Variants in GPATCH2 observed in about 807,000 individuals in gnomAD.
The protein encoded by GPATCH2 is G patch domain-containing protein 2.
GPATCH2 carries 51 observed loss-of-function variants against 58.0 expected under a neutral mutation model. That is an observed-to-expected ratio of 0.88 (90% CI 0.70 to 1.11). The LOEUF (loss-of-function observed/expected upper bound fraction) is 1.11. Among genes scored for constraint, GPATCH2 ranks in the 50% most tolerant of loss-of-function variants. The pLI, the probability that GPATCH2 is intolerant of heterozygous loss-of-function variation, is 0.00. For missense variants in GPATCH2, 625 were observed against 652.2 expected, an observed-to-expected ratio of 0.96 and a Z score of 0.45; for synonymous variants, 222 against 218.5, an observed-to-expected ratio of 1.02 and a Z score of -0.14.
At chr1:217,455,038 C>T (rs1220111903) in intron 8 of GPATCH2, among the ~76,000 whole-genome samples, 2 of 152,192 alleles carry the variant, frequency 1.3e-5, no homozygotes, top group Non-Finnish European at 2.9e-5. Flanking sequence ...CACAGCCTGA[C>T]CAGTTCTTGG....
chr1:217,492,371 C>G (rs1661787406), intron 7 of GPATCH2: 1 of 152,144 alleles, frequency 6.6e-6, no homozygotes. Flanking sequence ...TCCCTTTACA[C>G]TTGCTTTACC....
At chr1:217,508,933 ATAAT>A (rs1447241554) in intron 6 of GPATCH2, among the ~76,000 whole-genome samples, 2 of 152,212 alleles carry the variant, frequency 1.3e-5, no homozygotes, top group Non-Finnish European at 2.9e-5. Flanking sequence ...TTTCAAGGAA[ATAAT>A]TACTAGATGT....
intron 5 of GPATCH2, among the ~76,000 whole-genome samples, chr1:217,578,369 C>T (rs1218822900): frequency 7.2e-5 from 11 of 152,098 alleles, no homozygotes; most frequent in Admixed American, 7.2e-4. Context: ...CCCACCTCAG[C>T]CTCCCTAAGT....
At chr1:217,547,849 G>C (rs1665143556) in intron 5 of GPATCH2, among the ~76,000 whole-genome samples, 2 of 152,108 alleles carry the variant, frequency 1.3e-5, no homozygotes, top group South Asian at 2.1e-4. Context: ...GCGGGTGATT[G>C]AATCATGGGG....
chr1:217,544,968 A>C (rs1321251303), intron 5 of GPATCH2, among the ~76,000 whole-genome samples: 2 of 152,150 alleles, frequency 1.3e-5, no homozygotes, highest in East Asian at 3.8e-4. Context: ...CTTTCACTTA[A>C]TTAGGAACCT....
At chr1:217,498,321 T>C (rs767948199) in intron 7 of GPATCH2, 35 bp downstream of exon 7, 1 of 1,542,074 alleles carries the variant, frequency 6.5e-7, no homozygotes. Context: ...TGAAAGAGGC[T>C]GAGTAACTTC....
chr1:217,560,436 A>G (rs1665867179), intron 5 of GPATCH2, among the ~76,000 whole-genome samples: 2 of 152,140 alleles, frequency 1.3e-5, no homozygotes, highest in African/African-American at 4.8e-5. Flanking sequence ...GGCTCAATAC[A>G]TGTTGAATGA....
chr1:217,614,140 C>T lies in GPATCH2; in HGVS notation c.835+1G>A. On this transcript the variant is annotated splice_donor_variant, in intron 3 of 9. Transcript: ENST00000366935. LOFTEE classifies it high-confidence loss of function. ...GAGAGAAAAAAATATCATTTCAGTA[C>T]CTTGTCTTCCCTCATCATTGGTAAA... is the stretch of plus-strand genomic sequence containing the variant. 9.2e-6 allele frequency: 14 copies of T among 1,518,534 alleles called. No homozygotes were observed. Among genetic ancestry groups the T allele is most frequent in the Non-Finnish European group, 1.3e-5 (14 of 1,093,144 alleles). 94.1% of individuals were successfully genotyped at this position (1,518,534 alleles called of 1,614,324 possible).
At chr1:217,522,598 C>A (rs1289462071) in intron 5 of GPATCH2, among the ~76,000 whole-genome samples, 1 of 152,086 alleles carries the variant, frequency 6.6e-6, no homozygotes, top group African/African-American at 2.4e-5. Context: ...GCCTAAAGAT[C>A]TTCTTTTATG....
At chr1:217,598,989 A>C (rs1288712452) in intron 5 of GPATCH2, among the ~76,000 whole-genome samples, 1 of 152,152 alleles carries the variant, frequency 6.6e-6, no homozygotes, top group Non-Finnish European at 1.5e-5. Context: ...GAGTTGGGGA[A>C]GGTTTTGAAA....
At chr1:217,448,175 C>T (rs1198965145) in intron 9 of GPATCH2, among the ~76,000 whole-genome samples, 2 of 151,758 alleles carry the variant, frequency 1.3e-5, no homozygotes, top group African/African-American at 4.8e-5. Context: ...GCTACCCCAC[C>T]CCCATAAAAC....
Position 217,572,969 on chromosome 1 carries a change from C to T in GPATCH2, c.1098+37352G>A, listed in dbSNP as rs116597876. On this transcript the variant is annotated intron_variant, in intron 5 of 9. Transcript: ENST00000366935. The stretch of plus-strand genomic sequence containing the variant: ...GTAATTTTTGTACCTACTTAAGATA[C>T]GTTAGGACAAAATCCAGATGTCCTG... 1.6e-3 allele frequency among the ~76,000 whole-genome samples: 237 copies of T among 152,246 alleles called. 1 individual carries two copies. The highest frequency in any genetic ancestry group is 5.6e-3 in the African/African-American group (232 of 41,554).
chr1:217,449,445 A>T, intron 8 of GPATCH2, 108 bp from the exon 9 acceptor site: 1 of 695,512 alleles, frequency 1.4e-6, no homozygotes, highest in Non-Finnish European at 2.6e-6. Context: ...ACAAAGATGG[A>T]GCTGCGTAGT....
chr1:217,548,649 A>G (rs1049189966), intron 5 of GPATCH2, among the ~76,000 whole-genome samples: 7 of 152,152 alleles, frequency 4.6e-5, no homozygotes, highest in Non-Finnish European at 1.5e-5. Flanking sequence ...TAGTTCCCAT[A>G]ATCCCCATGT....
At position 217,564,413 on chromosome 1, in the gene GPATCH2, C is replaced by T. The variant is rs145065092; in HGVS notation, c.1098+45908G>A. Among the ~76,000 whole-genome samples the T allele has an allele frequency of 2.1e-3, 326 of 152,278 alleles. 1 individual carries two copies. Among genetic ancestry groups the T allele is most frequent in the African/African-American group, 7.0e-3 (289 of 41,556 alleles). ...ACTGTAGCAACAAATTAACTCAGCT[C>T]CATTTGCAATTCATGGTGTGTTTTC... On this transcript the variant is annotated intron_variant, in intron 5 of 9. Transcript: ENST00000366935.
intron 5 of GPATCH2, among the ~76,000 whole-genome samples, chr1:217,574,726 A>AGG: frequency 6.6e-6 from 1 of 152,324 alleles, no homozygotes; most frequent in South Asian, 2.1e-4. Context: ...GCAAAAGTAG[A>AGG]AACAAAGGTA....
At chr1:217,433,388 ATTTATT>A (rs1558388577) in intron 9 of GPATCH2, among the ~76,000 whole-genome samples, 44 of 56,334 alleles carry the variant, frequency 7.8e-4, no homozygotes, top group African/African-American at 3.2e-3. Context: ...ATATATATTT[ATTTATT>A]TATTTATTTA....
intron 5 of GPATCH2, among the ~76,000 whole-genome samples, chr1:217,571,213 T>C (rs1446406990): frequency 1.3e-5 from 2 of 152,160 alleles, no homozygotes; most frequent in Non-Finnish European, 2.9e-5. Context: ...ATAGGGACAT[T>C]AAACTGGCAT....
intron 5 of GPATCH2, among the ~76,000 whole-genome samples, chr1:217,603,799 T>A (rs1668225381): frequency 6.6e-6 from 1 of 151,784 alleles, no homozygotes; most frequent in African/African-American, 2.4e-5. Flanking sequence ...ATTTTTGTAT[T>A]TTTAGTAGAG....
Sources: gnomAD v4.1 joint callset for allele counts (sites outside exome capture counted in the v4.1 genomes callset) on GRCh38, gnomAD v4.1.1 for gene constraint, MANE v1.5 for transcripts, NCBI Gene and HGNC (gene_info 2026-07-23, HGNC 2026-07-21) for gene names.